Variants in SSBP3 observed in about 807,000 individuals in gnomAD.
SSBP3 encodes single stranded DNA binding protein 3.
In SSBP3, 5 loss-of-function variants were observed where a neutral mutation model predicts 69.6. The ratio of observed to expected loss-of-function variants is 0.07; its 90% CI spans 0.04 to 0.15. The LOEUF is 0.15. SSBP3 is among the 10% of genes least tolerant of loss of function. SSBP3 has a pLI of 1.00. For synonymous variants in SSBP3, 196 were observed against 193.4 expected (o/e 1.01, Z -0.11); for missense variants, 312 against 534.0 (o/e 0.58, Z 4.10).
chr1:54,337,100 G>C (rs1167516899), intron 4 of SSBP3, among the ~76,000 whole-genome samples: 1 of 152,210 alleles, frequency 6.6e-6, no homozygotes, highest in Non-Finnish European at 1.5e-5. Flanking sequence ...TGCTTCTCTG[G>C]GCTTCCGCTG....
chr1:54,388,801 G>A (rs1648269302), intron 4 of SSBP3, among the ~76,000 whole-genome samples: 1 of 152,226 alleles, frequency 6.6e-6, no homozygotes, highest in Non-Finnish European at 1.5e-5. Context: ...ACAGCCAGGA[G>A]AGCAGGGGTG....
chr1:54,384,325 G>A (rs1051504808), intron 4 of SSBP3, among the ~76,000 whole-genome samples: 1 of 152,208 alleles, frequency 6.6e-6, no homozygotes, highest in African/African-American at 2.4e-5. Context: ...GAACTGAGCA[G>A]ACGAACTTGG....
chr1:54,326,143 A>T (rs1241999050), intron 4 of SSBP3, among the ~76,000 whole-genome samples: 1 of 152,174 alleles, frequency 6.6e-6, no homozygotes, highest in Non-Finnish European at 1.5e-5. Flanking sequence ...TAATCTGATG[A>T]TCGCAGTGGG....
At chr1:54,393,514 G>A (rs1443355649) in intron 4 of SSBP3, among the ~76,000 whole-genome samples, 1 of 152,194 alleles carries the variant, frequency 6.6e-6, no homozygotes, top group Non-Finnish European at 1.5e-5. Context: ...CACAGGCCGG[G>A]TGTAGTGGCT....
Position 54,404,560 on chromosome 1 carries a change from T to TA in SSBP3, c.191+15dup, listed in dbSNP as rs1239974935. 1.2e-6 allele frequency: 2 copies of TA among 1,612,704 alleles called. No individual in the cohort carries two copies. The highest frequency in any genetic ancestry group is 1.7e-6 in the Non-Finnish European group (2 of 1,179,764). On this transcript the variant is annotated intron_variant, in intron 3 of 17. Coordinates refer to ENST00000610401, the Ensembl canonical transcript of SSBP3. Reference sequence around the variant, plus strand: ...AACAAAACAAACACACATGCAAAACTATCACACAAACTTACCACCACCACG... The same window carrying TA: ...AACAAAACAAACACACATGCAAAACTAATCACACAAACTTACCACCACCACG...
At chr1:54,310,516 A>G (rs903850937) in intron 4 of SSBP3, among the ~76,000 whole-genome samples, 2 of 152,150 alleles carry the variant, frequency 1.3e-5, no homozygotes, top group African/African-American at 4.8e-5. Flanking sequence ...CAAAGAGAAG[A>G]AAGTTTTCTA....
Position 54,316,679 on chromosome 1 carries a change from AAT to A in SSBP3, c.277-35154_277-35153del, listed in dbSNP as rs1338570756. On this transcript the variant is annotated intron_variant, in intron 4 of 17. Coordinates refer to ENST00000610401, the Ensembl canonical transcript of SSBP3. ...AAAAAATAAAATAAATAAATAAATAAATAAATAAATAAATAAATAAATAAATA... is the reference window on the plus strand; with the variant it reads ...AAAAAATAAAATAAATAAATAAATAAAAATAAATAAATAAATAAATAAATA... Among the ~76,000 whole-genome samples, 23 of 128,052 alleles carry A rather than the reference AAT, an allele frequency of 1.8e-4. 2 individuals are homozygous for A. The highest frequency in any genetic ancestry group is 7.6e-4 in the African/African-American group (21 of 27,592). 84.0% of individuals were successfully genotyped at this position (128,052 alleles called of 152,430 possible).
At chr1:54,369,448 T>C (rs1203818324) in intron 4 of SSBP3, among the ~76,000 whole-genome samples, 1 of 152,096 alleles carries the variant, frequency 6.6e-6, no homozygotes, top group Middle Eastern at 3.4e-3. Context: ...GTCAAGAATA[T>C]CCACGTGGAG....
At chr1:54,380,510 A>T (rs932333606) in intron 4 of SSBP3, among the ~76,000 whole-genome samples, 10 of 152,222 alleles carry the variant, frequency 6.6e-5, no homozygotes, top group Middle Eastern at 3.2e-3. Context: ...TCAAAAAGAA[A>T]ACGGGAGGGG....
intron 7 of SSBP3, among the ~76,000 whole-genome samples, chr1:54,255,157 G>GGT (rs1557465726): frequency 7.4e-6 from 1 of 135,998 alleles, no homozygotes; most frequent in African/African-American, 2.7e-5. Context: ...TTGCGGGGGG[G>GGT]CGGGGGGGGG....
chr1:54,287,138 C>T, intron 4 of SSBP3: 1 of 152,276 alleles, frequency 6.6e-6, no homozygotes, highest in African/African-American at 2.4e-5. Context: ...CCAACCCTCT[C>T]TTTAAAATTA....
chr1:54,313,272 G>A (rs1426997613), intron 4 of SSBP3, among the ~76,000 whole-genome samples: 2 of 151,908 alleles, frequency 1.3e-5, no homozygotes, highest in Admixed American at 1.3e-4. Flanking sequence ...GGGGGAGGGG[G>A]CTGCAGCCTC....
At chr1:54,238,083 T>G in intron 14 of SSBP3, 1 of 454,516 alleles carries the variant, frequency 2.2e-6, no homozygotes, top group Non-Finnish European at 4.7e-6. Context: ...GGCTTTTTAG[T>G]GTTAAAAGCC....
chr1:54,287,635 T>C (rs1392131786), intron 4 of SSBP3, among the ~76,000 whole-genome samples: 1 of 151,972 alleles, frequency 6.6e-6, no homozygotes, highest in Non-Finnish European at 1.5e-5. Context: ...CTGTGCAAAC[T>C]ATGGAGTAAC....
At chr1:54,290,425 C>T (rs1256536889) in intron 4 of SSBP3, among the ~76,000 whole-genome samples, 1 of 152,242 alleles carries the variant, frequency 6.6e-6, no homozygotes, top group Non-Finnish European at 1.5e-5. Flanking sequence ...TCCTAAGATT[C>T]CCTGACCACA....
intron 5 of SSBP3, among the ~76,000 whole-genome samples, chr1:54,276,561 A>G (rs1469733784): frequency 7.5e-6 from 1 of 132,684 alleles, no homozygotes; most frequent in Non-Finnish European, 1.6e-5. Flanking sequence ...CAGTGAGCCG[A>G]GATCGCCACT....
intron 4 of SSBP3, among the ~76,000 whole-genome samples, chr1:54,317,342 G>A (rs909080264): frequency 2.6e-5 from 4 of 152,174 alleles, no homozygotes; most frequent in African/African-American, 9.7e-5. Flanking sequence ...TTTGAGACCA[G>A]TCTGGGCAAC....
At chr1:54,367,464 G>A (rs188734190) in intron 4 of SSBP3, among the ~76,000 whole-genome samples, 10 of 152,258 alleles carry the variant, frequency 6.6e-5, no homozygotes, top group Admixed American at 5.2e-4. Flanking sequence ...TCTTACACAG[G>A]GAAAAGCATC....
upstream of SSBP3, among the ~76,000 whole-genome samples, chr1:54,406,917 T>TCCGACC (rs901071167): frequency 6.9e-6 from 1 of 144,390 alleles, no homozygotes; most frequent in Admixed American, 6.9e-5. Context: ...CCCCCTAGGC[T>TCCGACC]CCGACCCCGA....
Sources: gnomAD v4.1 joint callset for allele counts (sites outside exome capture counted in the v4.1 genomes callset) on GRCh38, gnomAD v4.1.1 for gene constraint, MANE v1.5 for transcripts, NCBI Gene and HGNC (gene_info 2026-07-23, HGNC 2026-07-21) for gene names.